Variants in MEF2A observed in about 807,000 individuals in gnomAD.
MEF2A encodes myocyte-specific enhancer factor 2A.
MEF2A carries 28 observed loss-of-function variants against 55.8 expected under a neutral mutation model. That is an observed-to-expected ratio of 0.50 (90% CI 0.37 to 0.69). The LOEUF (loss-of-function observed/expected upper bound fraction) is 0.69. Ranked by LOEUF, MEF2A falls within the 30% of genes least tolerant of loss-of-function variation. The probability of loss-of-function intolerance (pLI) is 0.00; values close to 1 mark genes in which losing one functional copy is unlikely to be tolerated. For synonymous variants in MEF2A, 239 were observed against 227.1 expected (o/e 1.05, Z -0.47); for missense variants, 528 against 626.2 (o/e 0.84, Z 1.67).
At chr15:99,696,973 C>G (rs2056567197) in intron 8 of MEF2A, among the ~76,000 whole-genome samples, 1 of 151,564 alleles carries the variant, frequency 6.6e-6, no homozygotes, top group African/African-American at 2.4e-5. Flanking sequence ...TGGTTTTATC[C>G]CAGGAATGCA....
intron 2 of MEF2A, among the ~76,000 whole-genome samples, chr15:99,608,014 G>A (rs552638990): frequency 3.3e-5 from 5 of 152,232 alleles, no homozygotes; most frequent in South Asian, 2.1e-4. Flanking sequence ...ATGAATCACC[G>A]AAAATCAAAT....
intron 1 of MEF2A, among the ~76,000 whole-genome samples, chr15:99,567,359 A>G (rs1361329468): frequency 1.3e-5 from 2 of 152,204 alleles, no homozygotes; most frequent in South Asian, 2.1e-4. Flanking sequence ...TACTATATGA[A>G]GAGGAGGTTC....
chr15:99,587,760 C>G (rs1182505187), intron 1 of MEF2A, among the ~76,000 whole-genome samples: 1 of 152,098 alleles, frequency 6.6e-6, no homozygotes, highest in Admixed American at 6.5e-5. Context: ...TGTAGAAATA[C>G]AGTTGATGTT....
intron 4 of MEF2A, among the ~76,000 whole-genome samples, chr15:99,670,240 A>C (rs1306727702): frequency 6.6e-6 from 1 of 152,230 alleles, no homozygotes; most frequent in Non-Finnish European, 1.5e-5. Context: ...TCAGAAAACC[A>C]ACTGTTTTTT....
intron 7 of MEF2A, among the ~76,000 whole-genome samples, chr15:99,682,765 AC>A (rs1463490174): frequency 2.6e-5 from 4 of 152,166 alleles, no homozygotes; most frequent in Non-Finnish European, 5.9e-5. Context: ...TATCTAAAGC[AC>A]CATAGACTGC....
rs977299554 is a variant in MEF2A at position 99,712,186 on chromosome 15, A to G, written c.1137-204A>G. Among the ~76,000 whole-genome samples the G allele has an allele frequency of 4.6e-5, 7 of 152,324 alleles. No homozygotes were observed. The highest frequency in any genetic ancestry group is 1.2e-4 in the African/African-American group (5 of 41,578). ...CAGAACCAAGTAACGTAAGGGCTCA[A>G]CGGTACTGTTTTCTTTCCTCCTAGG... On this transcript the variant is annotated intron_variant, in intron 11 of 11. Coordinates refer to ENST00000557942, the MANE Select transcript of MEF2A (RefSeq NM_001319206.4). The surrounding 1 kb of genome is among the most constrained non-coding windows in gnomAD (Gnocchi z 4.1).
intron 2 of MEF2A, among the ~76,000 whole-genome samples, chr15:99,603,187 A>G (rs749791073): frequency 6.6e-6 from 1 of 151,850 alleles, no homozygotes; most frequent in African/African-American, 2.4e-5. Flanking sequence ...TAAAATTTCC[A>G]TTGTGATTTT....
chr15:99,680,456 T>C (rs1349613858), intron 7 of MEF2A, among the ~76,000 whole-genome samples: 4 of 152,198 alleles, frequency 2.6e-5, no homozygotes, highest in Non-Finnish European at 5.9e-5. Flanking sequence ...TGCATGCTTT[T>C]GTGGCATTGT....
At chr15:99,647,115 G>A (rs1215605451) in intron 4 of MEF2A, among the ~76,000 whole-genome samples, 1 of 151,954 alleles carries the variant, frequency 6.6e-6, no homozygotes, top group Non-Finnish European at 1.5e-5. Flanking sequence ...ATATTATTTA[G>A]CAGTTATGTT....
At position 99,712,876 on chromosome 15, in the gene MEF2A, CAT is replaced by C; in HGVS notation, c.*114_*115del. 8.4e-6 allele frequency: 10 copies of C among 1,189,838 alleles called. No individual in the cohort carries two copies. The highest frequency in any genetic ancestry group is 1.2e-5 in the Non-Finnish European group (10 of 852,872). 73.7% of individuals were successfully genotyped at this position (1,189,838 alleles called of 1,614,324 possible). On this transcript the variant is annotated 3_prime_UTR_variant, in exon 12 of 12. Transcript: ENST00000557942. The surrounding 1 kb of genome is among the most constrained non-coding windows in gnomAD (Gnocchi z 4.1). ...AGTTAAATATATTTATATGTACATACATATATATATCCCTTTACATATATATG... is the reference window on the plus strand; with the variant it reads ...AGTTAAATATATTTATATGTACATACATATATATCCCTTTACATATATATG...
At position 99,715,833 on chromosome 15, in the gene MEF2A, T is replaced by A. The variant is rs765901989; in HGVS notation, c.*3062T>A. ...CCACTCCACCGCGAGTGGAAGTCACTGTTGTGTGTACACAGGTGGTCCCAA... is the reference window on the plus strand; with the variant it reads ...CCACTCCACCGCGAGTGGAAGTCACAGTTGTGTGTACACAGGTGGTCCCAA... On this transcript the variant is annotated 3_prime_UTR_variant, in exon 12 of 12. Coordinates refer to ENST00000557942, the MANE Select transcript of MEF2A (RefSeq NM_001319206.4). 2 of 152,252 alleles carry A rather than the reference T, an allele frequency of 1.3e-5. No individual in the cohort carries two copies. The highest frequency in any genetic ancestry group is 4.8e-5 in the African/African-American group (2 of 41,452). The allele number at this position is 152,252 out of a possible 1,614,324, so 9.4% of individuals were successfully genotyped here.
At chr15:99,663,190 A>G (rs1481828689) in intron 4 of MEF2A, among the ~76,000 whole-genome samples, 1 of 152,142 alleles carries the variant, frequency 6.6e-6, no homozygotes, top group East Asian at 1.9e-4. Flanking sequence ...ATATGTCAAG[A>G]TTCCAGAAAA....
At chr15:99,587,944 G>GGAC (rs35803937) in intron 1 of MEF2A, among the ~76,000 whole-genome samples, 33,113 of 151,846 alleles carry the variant, frequency 0.22, 4,202 homozygotes, top group South Asian at 0.33. Context: ...CCACTGCTTA[G>GGAC]GACCTTCAGT....
At chr15:99,626,141 T>C (rs1210085618) in intron 2 of MEF2A, among the ~76,000 whole-genome samples, 1 of 152,180 alleles carries the variant, frequency 6.6e-6, no homozygotes, top group African/African-American at 2.4e-5. Context: ...TAGTTATTGC[T>C]CTATTCAGCT....
chr15:99,665,537 C>T (rs1394184185), intron 4 of MEF2A, among the ~76,000 whole-genome samples: 3 of 151,922 alleles, frequency 2.0e-5, no homozygotes, highest in African/African-American at 4.8e-5. Context: ...GATTTCATGA[C>T]TAAAACATCA....
intron 2 of MEF2A, among the ~76,000 whole-genome samples, chr15:99,614,581 C>T (rs1305804692): frequency 6.6e-6 from 1 of 152,112 alleles, no homozygotes; most frequent in Non-Finnish European, 1.5e-5. Context: ...AGAAATCAAA[C>T]ATTTAATTGT....
chr15:99,659,868 T>C (rs953087407), intron 4 of MEF2A, among the ~76,000 whole-genome samples: 7 of 152,176 alleles, frequency 4.6e-5, no homozygotes, highest in Non-Finnish European at 1.0e-4. Context: ...AAGAAAAATA[T>C]AATTTAACAA....
intron 7 of MEF2A, among the ~76,000 whole-genome samples, chr15:99,687,084 C>CTTTTTTTTTTTTTTTT (rs71149484): frequency 1.5e-5 from 1 of 67,750 alleles, no homozygotes; most frequent in Non-Finnish European, 2.6e-5. Flanking sequence ...ATTAATTTTT[C>CTTTTTTTTTTTTTTTT]TTTTTTTTTT....
chr15:99,671,548 G>A lies in MEF2A; in HGVS notation c.390+94G>A, dbSNP rs761799644. The stretch of plus-strand genomic sequence containing the variant: ...CTGAACAAGAAGGAACACAGAGGGT[G>A]CGACAGCCCAGACCCTGATACTTCA... On this transcript the variant is annotated intron_variant, in intron 5 of 11. Transcript: ENST00000557942. 14 of 1,613,496 alleles carry A rather than the reference G, an allele frequency of 8.7e-6. No individual in the cohort carries two copies. In the East Asian group the frequency reaches 2.7e-4, roughly 31 times the overall value.
Sources: gnomAD v4.1 joint callset for allele counts (sites outside exome capture counted in the v4.1 genomes callset) on GRCh38, gnomAD v4.1.1 for gene constraint, Gnocchi (gnomAD v3.1) non-coding constraint, MANE v1.5 for transcripts, NCBI Gene and HGNC (gene_info 2026-07-23, HGNC 2026-07-21) for gene names.